Variants in SLC4A4 observed in about 807,000 individuals in gnomAD.
The protein encoded by SLC4A4 is solute carrier family 4 member 4, also known as electrogenic sodium bicarbonate cotransporter 1.
A neutral mutation model predicts 111.5 loss-of-function variants in SLC4A4; 27 were observed. The ratio of observed to expected loss-of-function variants is 0.24; its 90% CI spans 0.18 to 0.33. The LOEUF (loss-of-function observed/expected upper bound fraction) is 0.33. Among genes scored for constraint, SLC4A4 ranks in the 10% least tolerant of loss-of-function variants. The pLI, the probability that SLC4A4 is intolerant of heterozygous loss-of-function variation, is 1.00. For missense variants in SLC4A4, 909 were observed against 1,315.5 expected, an observed-to-expected ratio of 0.69 and a Z score of 4.78; for synonymous variants, 443 against 463.4, an observed-to-expected ratio of 0.96 and a Z score of 0.57.
chr4:71,174,151 G>A (rs1745018736), intron 2 of SLC4A4, among the ~76,000 whole-genome samples: 1 of 151,902 alleles, frequency 6.6e-6, no homozygotes, highest in Admixed American at 6.6e-5. Context: ...TTGAAAAGAT[G>A]GAACCAATTT....
chr4:71,430,257 A>G (rs146562098), intron 7 of SLC4A4, among the ~76,000 whole-genome samples: 38 of 152,106 alleles, frequency 2.5e-4, no homozygotes, highest in African/African-American at 8.0e-4. Flanking sequence ...GTGCCTTCTT[A>G]TTACTAAGCT....
chr4:71,295,813 C>A (rs960591114), intron 3 of SLC4A4, among the ~76,000 whole-genome samples: 2 of 152,112 alleles, frequency 1.3e-5, no homozygotes, highest in African/African-American at 4.8e-5. Flanking sequence ...CGCACACCAC[C>A]ATGCCTGGCT....
At chr4:71,084,468 T>C (rs1234572843) in intron 1 of SLC4A4, among the ~76,000 whole-genome samples, 4 of 152,044 alleles carry the variant, frequency 2.6e-5, no homozygotes, top group Non-Finnish European at 5.9e-5. Flanking sequence ...GTTAGTTACA[T>C]ATGTATACAT....
chr4:71,567,176 C>A lies in SLC4A4; in HGVS notation c.*36+93C>A. 4.1e-6 allele frequency: 4 copies of A among 964,254 alleles called. No homozygotes were observed. In the South Asian group the frequency reaches 6.0e-5, roughly 14 times the overall value. 59.7% of individuals were successfully genotyped at this position (964,254 alleles called of 1,614,324 possible). The stretch of plus-strand genomic sequence containing the variant: ...TGGGTTATTGACAGAACTTCTTGTT[C>A]TCCTTCGTCTCTATTATTTATCTTA... On this transcript the variant is annotated intron_variant, in intron 25 of 25. Transcript: ENST00000264485.
intron 3 of SLC4A4, among the ~76,000 whole-genome samples, chr4:71,265,604 C>G (rs1235148045): frequency 3.9e-5 from 6 of 152,126 alleles, no homozygotes; most frequent in African/African-American, 1.4e-4. Context: ...AAATAGAGCT[C>G]TCTATAACTT....
intron 1 of SLC4A4, among the ~76,000 whole-genome samples, chr4:71,089,381 CCTT>C (rs1316574165): frequency 4.6e-5 from 7 of 152,026 alleles, no homozygotes; most frequent in African/African-American, 1.2e-4. Flanking sequence ...TTGTCTGAAG[CCTT>C]CTTCTCTCAA....
intron 1 of SLC4A4, among the ~76,000 whole-genome samples, chr4:71,202,238 T>G (rs1239418379): frequency 6.6e-6 from 1 of 152,246 alleles, no homozygotes; most frequent in Non-Finnish European, 1.5e-5. Context: ...TCACCTGGAA[T>G]GTTTTAGAAA....
chr4:71,109,323 G>A (rs1333100740), intron 2 of SLC4A4, among the ~76,000 whole-genome samples: 1 of 151,842 alleles, frequency 6.6e-6, no homozygotes, highest in Non-Finnish European at 1.5e-5. Flanking sequence ...GCTCCCAAAA[G>A]AGGAAAAAGA....
chr4:71,236,105 G>A (rs972941234), intron 1 of SLC4A4: 3 of 1,011,112 alleles, frequency 3.0e-6, no homozygotes, highest in African/African-American at 1.7e-5. Flanking sequence ...GTGTGGGTGG[G>A]TGTGCATGTG....
rs565428400 is a variant in SLC4A4, at chr4:71,400,669, C to T, written c.807+3016C>T. Among the ~76,000 whole-genome samples the T allele has an allele frequency of 4.6e-5, 7 of 152,218 alleles. No individual in the cohort carries two copies. The South Asian group carries it at 1.5e-3, about 32-fold the overall frequency. On this transcript the variant is annotated intron_variant, in intron 7 of 25. Coordinates refer to ENST00000264485, the MANE Select transcript of SLC4A4 (RefSeq NM_001098484.3). ...AACTAATTCATAATCTCTTCTACAA[C>T]CAAAGGTACAGGTACAGAAATCAAA...
At chr4:71,371,237 A>G (rs2148933334) in intron 6 of SLC4A4, among the ~76,000 whole-genome samples, 1 of 134,850 alleles carries the variant, frequency 7.4e-6, no homozygotes, top group African/African-American at 2.7e-5. Flanking sequence ...CTACCCTTCC[A>G]GGAATGCCTT....
At chr4:71,417,922 C>T (rs1003622584) in intron 7 of SLC4A4, among the ~76,000 whole-genome samples, 4 of 152,250 alleles carry the variant, frequency 2.6e-5, no homozygotes, top group South Asian at 2.1e-4. Flanking sequence ...AAGACCTTTA[C>T]GCTTTTGAGA....
At chr4:71,313,556 A>G (rs1726395919) in intron 3 of SLC4A4, among the ~76,000 whole-genome samples, 1 of 152,246 alleles carries the variant, frequency 6.6e-6, no homozygotes, top group Non-Finnish European at 1.5e-5. Flanking sequence ...ACAGCATGTT[A>G]CTGATACCAA....
At chr4:71,246,610 A>T (rs1210968415) in intron 2 of SLC4A4, among the ~76,000 whole-genome samples, 1 of 152,212 alleles carries the variant, frequency 6.6e-6, no homozygotes, top group African/African-American at 2.4e-5. Flanking sequence ...GGAGCAGTTT[A>T]TGGAACTAAG....
chr4:71,254,275 T>G (rs2123429), intron 2 of SLC4A4, among the ~76,000 whole-genome samples: 25,821 of 152,164 alleles, frequency 0.17, 2,706 homozygotes, highest in East Asian at 0.44. Flanking sequence ...AAAGTAGAAG[T>G]TTTTCAATTT....
chr4:71,289,005 A>C (rs1724131002), intron 3 of SLC4A4, among the ~76,000 whole-genome samples: 1 of 152,116 alleles, frequency 6.6e-6, no homozygotes, highest in Non-Finnish European at 1.5e-5. Context: ...CTAGGTTCTC[A>C]GACTTTAGGG....
chr4:71,419,028 C>T (rs1722093816), intron 7 of SLC4A4, among the ~76,000 whole-genome samples: 1 of 152,190 alleles, frequency 6.6e-6, no homozygotes, highest in Non-Finnish European at 1.5e-5. Context: ...ACCGCGAATG[C>T]AGCTGTCTGA....
At position 71,197,850 on chromosome 4, in the gene SLC4A4, ACTCT is replaced by A. The variant is rs148506775; in HGVS notation, c.-2+10452_-2+10455del. On this transcript the variant is annotated intron_variant, in intron 1 of 25. Coordinates refer to ENST00000264485, the MANE Select transcript of SLC4A4 (RefSeq NM_001098484.3). Reference sequence around the variant, plus strand: ...AAAATAGAATTAGAGACACCTACTAACTCTCTATTTTGGGGGGTTGTGGGTTTCC... The same window carrying A: ...AAAATAGAATTAGAGACACCTACTAACTATTTTGGGGGGTTGTGGGTTTCC... 5.3e-3 allele frequency among the ~76,000 whole-genome samples: 802 copies of A among 152,198 alleles called. 4 individuals carry two copies. Among genetic ancestry groups the A allele is most frequent in the African/African-American group, 0.018 (758 of 41,532 alleles).
At chr4:71,410,950 G>A (rs139152551) in intron 7 of SLC4A4, among the ~76,000 whole-genome samples, 10 of 152,214 alleles carry the variant, frequency 6.6e-5, no homozygotes, top group Admixed American at 6.5e-4. Context: ...GATTTTTTAA[G>A]CTGAGACCAT....
Sources: gnomAD v4.1 joint callset for allele counts (sites outside exome capture counted in the v4.1 genomes callset) on GRCh38, gnomAD v4.1.1 for gene constraint, MANE v1.5 for transcripts, NCBI Gene and HGNC (gene_info 2026-07-23, HGNC 2026-07-21) for gene names.